CELA2A: variants seen among roughly 807,000 people sequenced by gnomAD.
CELA2A encodes chymotrypsin like elastase 2A, also known as chymotrypsin-like elastase family member 2A.
CELA2A carries 31 observed loss-of-function variants against 35.3 expected under a neutral mutation model. That is an observed-to-expected ratio of 0.88 (90% CI 0.66 to 1.19). The LOEUF (loss-of-function observed/expected upper bound fraction) is 1.19. Among genes scored for constraint, CELA2A ranks in the 50% most tolerant of loss-of-function variants. The pLI is 0.00. For missense variants in CELA2A, 330 were observed against 352.9 expected, an observed-to-expected ratio of 0.94 and a Z score of 0.52; for synonymous variants, 150 against 149.8, an observed-to-expected ratio of 1.00 and a Z score of -0.01.
intron 2 of CELA2A, chr1:15,457,446 A>G (rs1402074695): frequency 7.7e-6 from 3 of 388,882 alleles, no homozygotes; most frequent in Non-Finnish European, 1.4e-5. Context: ...ACCTGCCTCT[A>G]CTAATAATAC....
At position 15,462,747 on chromosome 1, in the gene CELA2A, A is replaced by C; in HGVS notation, c.242A>C (p.Tyr81Ser). 6.2e-7 allele frequency: 1 copy of C among 1,613,930 alleles called. No individual in the cohort carries two copies. ...AAHCISSSRT[Y>S]RVGLGRHNLY... ...CTTTCTCCCAGCTCCTCCAGGACCT[A>C]CCGCGTGGGGCTGGGCCGGCACAAC... The change falls in exon 4 of 8, where the codon TAC (tyrosine) becomes TCC (serine). Residue 81 changes from tyrosine (Y) to serine (S), a missense_variant. Physicochemically the swap from Tyr to Ser is moderately radical, Grantham distance 144 (BLOSUM62 -2). Coordinates refer to ENST00000359621, the MANE Select transcript of CELA2A (RefSeq NM_033440.3).
chr1:15,466,549 G>A (rs10157736), intron 6 of CELA2A, among the ~76,000 whole-genome samples: 2,187 of 150,550 alleles, frequency 0.015, 51 homozygotes, highest in African/African-American at 0.05. Flanking sequence ...GTGACAGAGC[G>A]AAACTCAAAA....
intron 2 of CELA2A, among the ~76,000 whole-genome samples, chr1:15,461,092 T>G (rs1488927869): frequency 1.3e-5 from 2 of 152,058 alleles, no homozygotes; most frequent in Admixed American, 1.3e-4. Context: ...AACCATCAGA[T>G]CTTGTGAGAA....
Position 15,472,014 on chromosome 1 carries a change from G to C in CELA2A, c.*7G>C. On this transcript the variant is annotated 3_prime_UTR_variant, in exon 8 of 8. Coordinates refer to ENST00000359621, the MANE Select transcript of CELA2A (RefSeq NM_033440.3). ...GGTGATTGCAAATAACTAACCAAAA[G>C]AAGTCCCTGGGACTGTTTCAGACTT... 1 of 1,614,062 alleles carries C rather than the reference G, an allele frequency of 6.2e-7. No homozygotes were observed. Among genetic ancestry groups the C allele is most frequent in the Middle Eastern group, 1.7e-4 (1 of 6,056 alleles).
In CELA2A at chr1:15,463,008, C is replaced by A. The variant is rs547412942; in HGVS notation, c.356+147C>A. ...AGCTCTGGCCTCTTAGATGTGGAAC[C>A]AGCTCCAAAGATGTCTGGGGTGGGG... On this transcript the variant is annotated intron_variant, in intron 4 of 7. Transcript: ENST00000359621. The A allele has an allele frequency of 1.5e-4, 190 of 1,252,578 alleles. 2 individuals are homozygous for A. In the South Asian group the frequency reaches 2.5e-3, roughly 17 times the overall value. 77.6% of individuals were successfully genotyped at this position (1,252,578 alleles called of 1,614,324 possible).
intron 5 of CELA2A, among the ~76,000 whole-genome samples, chr1:15,465,412 G>A (rs191261122): frequency 1.9e-4 from 29 of 152,240 alleles, no homozygotes; most frequent in African/African-American, 6.7e-4. Context: ...TGGTGGCTGT[G>A]TCATTGGGGG....
intron 2 of CELA2A, 109 bp from the exon 3 acceptor site, chr1:15,461,452 C>G: frequency 8.8e-7 from 1 of 1,139,028 alleles, no homozygotes; most frequent in Non-Finnish European, 1.3e-6. Flanking sequence ...CATGAGGCGA[C>G]TGCCTCACTC....
At chr1:15,471,108 C>T (rs976412805) in intron 7 of CELA2A, among the ~76,000 whole-genome samples, 1 of 152,148 alleles carries the variant, frequency 6.6e-6, no homozygotes, top group Admixed American at 6.5e-5. Flanking sequence ...GTAATGAATG[C>T]AGCTTTCATG....
At chr1:15,467,265 A>G (rs1708531140) in intron 6 of CELA2A, 121 bp from the exon 7 acceptor site, 51 of 1,022,488 alleles carry the variant, frequency 5.0e-5, no homozygotes, top group Non-Finnish European at 7.2e-5. Context: ...CTATGACCAC[A>G]AGGGTCAGCT....
At chr1:15,463,096 C>T in intron 4 of CELA2A, 1 of 730,246 alleles carries the variant, frequency 1.4e-6, no homozygotes, top group Non-Finnish European at 2.2e-6. Flanking sequence ...GCCAGTTACA[C>T]CTGCAGGGCC....
At chr1:15,458,914 A>T (rs1708395662) in intron 2 of CELA2A, among the ~76,000 whole-genome samples, 1 of 1,524 alleles carries the variant, frequency 6.6e-4, no homozygotes, top group African/African-American at 1.1e-3. Context: ...TCCATAAAAA[A>T]AAAAAAAAAA....
chr1:15,464,756 G>A (rs1189517145), intron 5 of CELA2A, among the ~76,000 whole-genome samples: 2 of 152,004 alleles, frequency 1.3e-5, no homozygotes, highest in African/African-American at 2.4e-5. Flanking sequence ...TGGGGCAGGC[G>A]CATTTCATCT....
chr1:15,465,924 C>A lies in CELA2A; in HGVS notation c.494-75C>A, dbSNP rs1317063614. 2.6e-6 allele frequency: 4 copies of A among 1,556,820 alleles called. No homozygotes were observed. The African/African-American group carries it at 4.1e-5, about 16-fold the overall frequency. On this transcript the variant is annotated intron_variant, in intron 5 of 7. Coordinates refer to ENST00000359621, the MANE Select transcript of CELA2A (RefSeq NM_033440.3). ...GGATGGAAGACAGGAACAGGGGAAA[C>A]CTAAGACGGGTCCATCACTTCCTTT...
intron 5 of CELA2A, among the ~76,000 whole-genome samples, chr1:15,464,014 T>C (rs1459959071): frequency 1.3e-5 from 2 of 152,138 alleles, no homozygotes; most frequent in African/African-American, 4.8e-5. Flanking sequence ...ATTTCGCTAC[T>C]GCACTCCAGC....
intron 5 of CELA2A, among the ~76,000 whole-genome samples, chr1:15,464,074 G>T (rs1343011311): frequency 2.0e-5 from 3 of 152,036 alleles, no homozygotes; most frequent in Non-Finnish European, 4.4e-5. Flanking sequence ...CATAATAATA[G>T]CACCTACATC....
intron 7 of CELA2A, among the ~76,000 whole-genome samples, chr1:15,471,211 C>A (rs1322228527): frequency 3.9e-5 from 6 of 152,292 alleles, no homozygotes; most frequent in African/African-American, 1.4e-4. Context: ...GCAGCTGGAT[C>A]TCCTGCAGTT....
At chr1:15,460,714 T>G (rs1708422217) in intron 2 of CELA2A, among the ~76,000 whole-genome samples, 1 of 152,124 alleles carries the variant, frequency 6.6e-6, no homozygotes, top group Admixed American at 6.5e-5. Flanking sequence ...TAAAATTTTT[T>G]TGGTAGGGTC....
In CELA2A at chr1:15,469,152, T is replaced by C. The variant is rs551862012; in HGVS notation, c.792+1614T>C. Reference sequence around the variant, plus strand: ...GAGTTCGCACCACTGCACTCCAGCCTGGGCGACAGAGCGAGACTCCATCTC... The same window carrying C: ...GAGTTCGCACCACTGCACTCCAGCCCGGGCGACAGAGCGAGACTCCATCTC... On this transcript the variant is annotated intron_variant, in intron 7 of 7. Transcript: ENST00000359621. 1.2e-4 allele frequency among the ~76,000 whole-genome samples: 19 copies of C among 152,146 alleles called. No homozygotes were observed. In the East Asian group the frequency reaches 2.7e-3, roughly 22 times the overall value.
chr1:15,469,945 A>G (rs926226303), intron 7 of CELA2A, among the ~76,000 whole-genome samples: 2 of 152,054 alleles, frequency 1.3e-5, no homozygotes, highest in African/African-American at 4.8e-5. Flanking sequence ...CAATTGTCCC[A>G]ATTTTTTTTT....
Sources: gnomAD v4.1 joint callset for allele counts (sites outside exome capture counted in the v4.1 genomes callset) on GRCh38, gnomAD v4.1.1 for gene constraint, MANE v1.5 for transcripts, NCBI Gene and HGNC (gene_info 2026-07-23, HGNC 2026-07-21) for gene names.